The following IRAK4 variants were observed in gnomAD, a reference collection of about 807,000 sequenced individuals.
IRAK4 encodes the protein interleukin 1 receptor associated kinase 4, also known as interleukin-1 receptor-associated kinase 4.
IRAK4 carries 44 observed loss-of-function variants against 51.8 expected under a neutral mutation model. The observed-to-expected ratio is 0.85, with a 90% confidence interval of 0.67 to 1.09. The LOEUF is 1.09. IRAK4 is among the 50% of genes least tolerant of loss of function. The probability of loss-of-function intolerance (pLI) is 0.00; values close to 1 mark genes in which losing one functional copy is unlikely to be tolerated. For missense variants in IRAK4, 487 were observed against 538.0 expected (o/e 0.91, Z 0.94); for synonymous variants, 149 against 174.1 (o/e 0.86, Z 1.13).
At position 43,772,367 on chromosome 12, in the gene IRAK4, G is replaced by A; in HGVS notation, c.490+5G>A. ...GTTTAGAAGTTAGTGATACACGTAA[G>A]TAACATTTTCAGTGCTTTCCACTAG... On this transcript the variant is annotated splice_donor_5th_base_variant and intron_variant, in intron 4 of 11. Transcript: ENST00000613694. 6.2e-7 allele frequency: 1 copy of A among 1,609,232 alleles called. No individual in the cohort carries two copies. Among genetic ancestry groups the A allele is most frequent in the Non-Finnish European group, 8.5e-7 (1 of 1,178,474 alleles).
At chr12:43,762,531 T>C (rs1399521103) in intron 1 of IRAK4, among the ~76,000 whole-genome samples, 1 of 152,218 alleles carries the variant, frequency 6.6e-6, no homozygotes, top group African/African-American at 2.4e-5. Context: ...TACAATTTCT[T>C]AATTAAAGTT....
chr12:43,788,116 T>G lies in IRAK4; in HGVS notation c.*1401T>G, dbSNP rs4251553. 2.9e-4 allele frequency: 44 copies of G among 152,286 alleles called. No homozygotes were observed. Among genetic ancestry groups the G allele is most frequent in the African/African-American group, 1.0e-3 (42 of 41,548 alleles). 9.4% of individuals were successfully genotyped at this position (152,286 alleles called of 1,614,324 possible). A position where few individuals can be genotyped will look rare whatever the true frequency, so the allele number is the denominator to read the frequency against. On this transcript the variant is annotated 3_prime_UTR_variant, in exon 12 of 12. Transcript: ENST00000613694. The stretch of plus-strand genomic sequence containing the variant: ...CTTTAAGTTTGTGGTAATTTATTAT[T>G]CAGTAATAGAAAACAAATACAGATA...
In IRAK4 at chr12:43,787,230, C is replaced by T. The variant is rs1218093538; in HGVS notation, c.*515C>T. 1 of 154,446 alleles carries T rather than the reference C, an allele frequency of 6.5e-6. No homozygotes were observed. Among genetic ancestry groups the T allele is most frequent in the Non-Finnish European group, 1.4e-5 (1 of 69,590 alleles). The allele number at this position is 154,446 out of a possible 1,614,324, so 9.6% of individuals were successfully genotyped here. On this transcript the variant is annotated 3_prime_UTR_variant, in exon 12 of 12. Coordinates refer to ENST00000613694, the MANE Select transcript of IRAK4 (RefSeq NM_016123.4). ...GATACAAAATTTAAAGTTTATAGAG[C>T]CAGTTACAAAATCCTATTAGTCATA...
rs1319332344 is a variant in IRAK4, at chr12:43,774,041, T to C, written c.716+12T>C. 1.3e-6 allele frequency: 2 copies of C among 1,599,512 alleles called. No individual in the cohort carries two copies. Among genetic ancestry groups the C allele is most frequent in the East Asian group, 4.5e-5 (2 of 44,808 alleles). On this transcript the variant is annotated intron_variant, in intron 6 of 11. Coordinates refer to ENST00000613694, the MANE Select transcript of IRAK4 (RefSeq NM_016123.4). ...AAAGTAATGGCAAAGTAAGTCTTAA[T>C]CTGGCAGTGCGGTGTAGTGGAAAGA...
chr12:43,783,527 C>G lies in IRAK4; in HGVS notation c.1126-135C>G, dbSNP rs1015892869. 2.2e-5 allele frequency: 14 copies of G among 636,098 alleles called. No homozygotes were observed. The Admixed American group carries it at 3.7e-4, about 17-fold the overall frequency. The allele number at this position is 636,098 out of a possible 1,614,324, so 39.4% of individuals were successfully genotyped here. On this transcript the variant is annotated intron_variant, in intron 9 of 11. Transcript: ENST00000613694. Reference sequence around the variant, plus strand: ...TTGTAGAGACAGGGTCTCACTGTTGCCCAGGCTGGTCGTGAAGTCCGGGGC... The same window carrying G: ...TTGTAGAGACAGGGTCTCACTGTTGGCCAGGCTGGTCGTGAAGTCCGGGGC...
In IRAK4 at chr12:43,783,722, T is replaced by A; in HGVS notation, c.1186T>A (p.Leu396Met). 1 of 1,594,802 alleles carries A rather than the reference T, an allele frequency of 6.3e-7. No homozygotes were observed. The change falls in exon 10 of 12, where the codon TTG becomes ATG. Residue 396 changes from leucine to methionine, a missense_variant and splice_region_variant. Physicochemically the swap from Leu to Met is conservative, Grantham distance 15 (BLOSUM62 2). Transcript: ENST00000613694. Reference protein sequence around the residue: ...AVDEHREPQLLLDIKEEIEDE... With the variant: ...AVDEHREPQLMLDIKEEIEDE... ...GGATGAACACCGTGAACCTCAGTTA[T>A]TGGTAAATGAAATATTCATTTTCCT...
At chr12:43,779,624 G>A (rs116999385) in intron 8 of IRAK4, among the ~76,000 whole-genome samples, 2,827 of 152,262 alleles carry the variant, frequency 0.019, 54 homozygotes, top group South Asian at 0.07. Context: ...CAGGAAGAGC[G>A]AAGTATCAGG....
chr12:43,765,556 C>T (rs1414339680), intron 1 of IRAK4, among the ~76,000 whole-genome samples: 1 of 151,678 alleles, frequency 6.6e-6, no homozygotes, highest in Non-Finnish European at 1.5e-5. Flanking sequence ...TCTTATTCTT[C>T]TCAGTGTCTC....
chr12:43,771,239 C>A lies in IRAK4; in HGVS notation c.181C>A (p.Gln61Lys), dbSNP rs1266375962. 2 of 1,613,832 alleles carry A rather than the reference C, an allele frequency of 1.2e-6. No homozygotes were observed. The highest frequency in any genetic ancestry group is 1.7e-5 in the Admixed American group (1 of 59,998). ...TTTAAGGAGATTTGAAGCATTACTT[C>A]AAACTGGAAAAAGTCCCACTTCTGA... ...FHIRRFEALL[Q>K]TGKSPTSELL... Residue 61 changes from glutamine to lysine, a missense_variant, in exon 3 of 12, where the codon CAA becomes AAA. Gln to Lys is a moderately conservative substitution (Grantham distance 53). Coordinates refer to ENST00000613694, the MANE Select transcript of IRAK4 (RefSeq NM_016123.4).
intron 10 of IRAK4, 30 bp from the exon 11 acceptor site, chr12:43,786,369 G>C: frequency 7.2e-7 from 1 of 1,387,376 alleles, no homozygotes; most frequent in Non-Finnish European, 9.9e-7. Flanking sequence ...ATGATTTGAA[G>C]CTCTTAAAGT....
chr12:43,772,265 C>G lies in IRAK4; in HGVS notation c.393C>G (p.Asp131Glu). Reference sequence around the variant, plus strand: ...AACAGATGCCTTTCTGTGACAAAGACAGGACATTGATGACACCTGTGCAGA... The same window carrying G: ...AACAGATGCCTTTCTGTGACAAAGAGAGGACATTGATGACACCTGTGCAGA... ...QQKQMPFCDK[D>E]RTLMTPVQNL... Residue 131 changes from aspartate to glutamate, a missense_variant, in exon 4 of 12, where the codon GAC (aspartate) becomes GAG (glutamate). By Grantham distance (45) the Asp-to-Glu change is conservative. Transcript: ENST00000613694. The G allele has an allele frequency of 6.2e-7, 1 of 1,613,682 alleles. No homozygotes were observed. Among genetic ancestry groups the G allele is most frequent in the Non-Finnish European group, 8.5e-7 (1 of 1,179,720 alleles).
At chr12:43,784,537 G>T (rs1942050266) in intron 10 of IRAK4, among the ~76,000 whole-genome samples, 1 of 152,214 alleles carries the variant, frequency 6.6e-6, no homozygotes, top group Non-Finnish European at 1.5e-5. Context: ...GAGGGCTCAA[G>T]ATTGAACCCA....
At chr12:43,768,330 A>T (rs1940391788) in intron 2 of IRAK4, 58 bp downstream of exon 2, 1 of 1,334,510 alleles carries the variant, frequency 7.5e-7, no homozygotes, top group African/African-American at 1.5e-5. Context: ...GGAATGATTA[A>T]TTGGTATAAG....
At chr12:43,786,115 C>A (rs1366884510) in intron 10 of IRAK4, among the ~76,000 whole-genome samples, 1 of 150,454 alleles carries the variant, frequency 6.6e-6, no homozygotes, top group Non-Finnish European at 1.5e-5. Context: ...CTCAGTGCAA[C>A]CTCTGCCTCC....
At chr12:43,765,486 T>G (rs1449841790) in intron 1 of IRAK4, among the ~76,000 whole-genome samples, 9 of 152,194 alleles carry the variant, frequency 5.9e-5, no homozygotes, top group Non-Finnish European at 1.0e-4. Flanking sequence ...ATGTGGTGTT[T>G]GTTCTTGCTT....
intron 10 of IRAK4, among the ~76,000 whole-genome samples, chr12:43,785,668 A>G (rs1257877607): frequency 2.7e-5 from 4 of 150,004 alleles, no homozygotes; most frequent in Non-Finnish European, 5.9e-5. Flanking sequence ...ATACCCAGCC[A>G]TGTGTTGCCT....
In IRAK4 at chr12:43,772,378, A is replaced by C. The variant is rs186000885; in HGVS notation, c.490+16A>C. On this transcript the variant is annotated intron_variant, in intron 4 of 11. Coordinates refer to ENST00000613694, the MANE Select transcript of IRAK4 (RefSeq NM_016123.4). ...AGTGATACACGTAAGTAACATTTTC[A>C]GTGCTTTCCACTAGGGATTTGTCAT... is the stretch of plus-strand genomic sequence containing the variant. 164 of 1,603,262 alleles carry C rather than the reference A, an allele frequency of 1.0e-4. No homozygotes were observed. The Admixed American group carries it at 2.7e-3, about 26-fold the overall frequency.
intron 8 of IRAK4, among the ~76,000 whole-genome samples, chr12:43,779,238 G>T (rs1403186756): frequency 1.3e-5 from 2 of 152,066 alleles, no homozygotes; most frequent in Non-Finnish European, 2.9e-5. Flanking sequence ...TCCCCAGCCT[G>T]GGTAATAAAG....
chr12:43,775,807 A>G (rs1304291585), intron 6 of IRAK4, among the ~76,000 whole-genome samples: 4 of 151,776 alleles, frequency 2.6e-5, no homozygotes, highest in African/African-American at 9.7e-5. Context: ...TTTTGAGATA[A>G]GTTACTACCA....
Sources: gnomAD v4.1 joint callset for allele counts (sites outside exome capture counted in the v4.1 genomes callset) on GRCh38, gnomAD v4.1.1 for gene constraint, MANE v1.5 for transcripts, NCBI Gene and HGNC (gene_info 2026-07-23, HGNC 2026-07-21) for gene names.